The following PIGB variants were observed in gnomAD, a reference collection of about 807,000 sequenced individuals.
The protein encoded by PIGB is GPI alpha-1,2-mannosyltransferase 3.
Under a neutral mutation model 68.4 loss-of-function variants are expected in PIGB, and 58 were observed. The observed-to-expected ratio is 0.85, with a 90% CI of 0.69 to 1.06. The LOEUF (loss-of-function observed/expected upper bound fraction) is 1.06, where lower values mean the gene tolerates loss of function less well. Ranked by LOEUF, PIGB falls within the 50% of genes least tolerant of loss-of-function variation. PIGB has a pLI of 0.00. For synonymous variants in PIGB, 219 were observed against 220.5 expected (o/e 0.99, Z 0.06); for missense variants, 634 against 655.8 (o/e 0.97, Z 0.36).
At chr15:55,321,709 A>G (rs1466794462) in intron 3 of PIGB, among the ~76,000 whole-genome samples, 2 of 132,232 alleles carry the variant, frequency 1.5e-5, no homozygotes, top group Admixed American at 8.4e-5. Context: ...CTGGAGTGCA[A>G]TGGCGTGATC....
rs374683561 is a variant in PIGB, at chr15:55,351,110, CTTTTTTTT to C, written c.1337+207_1337+214del. 9.0e-3 allele frequency among the ~76,000 whole-genome samples: 1,222 copies of C among 135,702 alleles called. 14 individuals carry two copies. Among genetic ancestry groups the C allele is most frequent in the African/African-American group, 0.027 (1,000 of 36,368 alleles). The allele number at this position is 135,702 out of a possible 152,430, so 89.0% of individuals were successfully genotyped here. ...AAAATGTTTTAAATAAACTTTTTTT[CTTTTTTTT>C]TTTTTTTTGAGACGGAGTCTGTTCT... is the stretch of plus-strand genomic sequence containing the variant. On this transcript the variant is annotated intron_variant, in intron 10 of 11. Coordinates refer to ENST00000164305, the MANE Select transcript of PIGB (RefSeq NM_004855.5).
chr15:55,320,919 A>T (rs1301110713), intron 2 of PIGB, among the ~76,000 whole-genome samples: 1 of 152,224 alleles, frequency 6.6e-6, no homozygotes, highest in Admixed American at 6.5e-5. Flanking sequence ...AATATACTTG[A>T]CACAGCCGTT....
intron 5 of PIGB, among the ~76,000 whole-genome samples, chr15:55,332,860 TTA>T (rs1338156062): frequency 9.1e-4 from 138 of 152,356 alleles, no homozygotes; most frequent in African/African-American, 3.2e-3. Flanking sequence ...AGAAGTCCTG[TTA>T]ATAAAAATCT....
intron 3 of PIGB, among the ~76,000 whole-genome samples, chr15:55,325,685 G>A (rs189311533): frequency 2.0e-5 from 3 of 152,178 alleles, no homozygotes; most frequent in Non-Finnish European, 2.9e-5. Context: ...GGGAGGCTGA[G>A]GCGGGCAGAT....
At chr15:55,329,004 C>A (rs1288836744) in intron 4 of PIGB, among the ~76,000 whole-genome samples, 1 of 152,084 alleles carries the variant, frequency 6.6e-6, no homozygotes, top group Non-Finnish European at 1.5e-5. Flanking sequence ...TTAGGGAAAA[C>A]CTTTACTTTC....
Position 55,339,279 on chromosome 15 carries a change from G to C in PIGB, c.807G>C (p.Leu269Phe). The C allele has an allele frequency of 6.4e-7, 1 of 1,552,248 alleles. No homozygotes were observed. The highest frequency in any genetic ancestry group is 1.2e-5 in the South Asian group (1 of 83,548). ...TTTTGTTTTTCAGCTTTGTTACTTTGAGTTTGTCTCTGATGATTGATCGTA... is the reference window on the plus strand; with the variant it reads ...TTTTGTTTTTCAGCTTTGTTACTTTCAGTTTGTCTCTGATGATTGATCGTA... ...HHFLPVGFVTLSLSLMIDRIF... is the reference protein window; with the variant it reads ...HHFLPVGFVTFSLSLMIDRIF... The change falls in exon 7 of 12, where the codon TTG becomes TTC. Residue 269 changes from leucine (L) to phenylalanine (F), a missense_variant. Physicochemically the swap from Leu to Phe is conservative, Grantham distance 22. Coordinates refer to ENST00000164305, the MANE Select transcript of PIGB (RefSeq NM_004855.5).
intron 10 of PIGB, chr15:55,354,469 C>T (rs1477766071): frequency 4.5e-6 from 1 of 221,838 alleles, no homozygotes; most frequent in African/African-American, 2.3e-5. Context: ...CTTACCTGGT[C>T]CTGAGGACCA....
intron 9 of PIGB, chr15:55,349,941 G>T (rs1332476541): frequency 6.6e-6 from 1 of 152,140 alleles, no homozygotes; most frequent in African/African-American, 2.4e-5. Flanking sequence ...GGCTGTTGCT[G>T]AAGAAAAGGA....
In PIGB at chr15:55,321,265, G is replaced by A. The variant is rs754353544; in HGVS notation, c.300-8G>A. 3.2e-6 allele frequency: 5 copies of A among 1,580,078 alleles called. No individual in the cohort carries two copies. The African/African-American group carries it at 5.5e-5, about 17-fold the overall frequency. ...TATTATTGGACATTTACTCCTTAAT[G>A]TTACTAATTATGGTTATTTGACTTG... On this transcript the variant is annotated splice_region_variant and splice_polypyrimidine_tract_variant and intron_variant, in intron 2 of 11. Transcript: ENST00000164305.
intron 7 of PIGB, among the ~76,000 whole-genome samples, 159 bp downstream of exon 7, chr15:55,339,477 A>G (rs2055613836): frequency 6.6e-6 from 1 of 152,248 alleles, no homozygotes; most frequent in Non-Finnish European, 1.5e-5. Context: ...TGCTTTCTAC[A>G]TAAAAGAATT....
At chr15:55,322,066 C>T (rs999693835) in intron 3 of PIGB, among the ~76,000 whole-genome samples, 11 of 151,774 alleles carry the variant, frequency 7.2e-5, no homozygotes, top group Non-Finnish European at 1.2e-4. Flanking sequence ...CTCAGACTTT[C>T]TGGAGGCTGA....
intron 6 of PIGB, among the ~76,000 whole-genome samples, 192 bp from the exon 7 acceptor site, chr15:55,339,075 C>T (rs886258680): frequency 2.0e-5 from 3 of 152,230 alleles, no homozygotes; most frequent in Non-Finnish European, 4.4e-5. Context: ...CAATATTAAT[C>T]GATTATATAA....
At chr15:55,352,863 T>A (rs2055954612) in intron 10 of PIGB, among the ~76,000 whole-genome samples, 1 of 152,208 alleles carries the variant, frequency 6.6e-6, no homozygotes, top group African/African-American at 2.4e-5. Flanking sequence ...TTAATTACAG[T>A]GGTTATCATT....
chr15:55,342,450 G>A (rs2055691678), intron 9 of PIGB, among the ~76,000 whole-genome samples: 2 of 152,166 alleles, frequency 1.3e-5, no homozygotes, highest in Admixed American at 1.3e-4. Context: ...GAGTGCAGTG[G>A]CACGATCTTG....
rs1020782476 is a variant in PIGB at position 55,320,259 on chromosome 15, T to C, written c.164-16T>C. The C allele has an allele frequency of 6.2e-7, 1 of 1,609,374 alleles. No homozygotes were observed. Among genetic ancestry groups the C allele is most frequent in the Non-Finnish European group, 8.5e-7 (1 of 1,177,616 alleles). ...GACTTTTGTGCCACTATTACCTGTT[T>C]TGTTCTGTTTTTCAGATCTTCTTGG... is the stretch of plus-strand genomic sequence containing the variant. On this transcript the variant is annotated splice_polypyrimidine_tract_variant and intron_variant, in intron 1 of 11. Coordinates refer to ENST00000164305, the MANE Select transcript of PIGB (RefSeq NM_004855.5).
chr15:55,324,728 G>T, intron 3 of PIGB: 1 of 648,258 alleles, frequency 1.5e-6, no homozygotes, highest in Non-Finnish European at 1.9e-6. Flanking sequence ...TCACACTGTT[G>T]GCTCATATTA....
chr15:55,350,454 G>C (rs1195867235), intron 9 of PIGB: 1 of 481,570 alleles, frequency 2.1e-6, no homozygotes, highest in Non-Finnish European at 3.6e-6. Context: ...TTCAAATCTG[G>C]ACCTGTTGGA....
At chr15:55,326,553 T>C (rs1011639558) in intron 3 of PIGB, among the ~76,000 whole-genome samples, 7 of 152,184 alleles carry the variant, frequency 4.6e-5, no homozygotes, top group African/African-American at 1.7e-4. Context: ...TTGTTGCTAA[T>C]GAATATAAAT....
intron 7 of PIGB, among the ~76,000 whole-genome samples, chr15:55,339,569 T>C (rs1480532589): frequency 6.6e-6 from 1 of 152,246 alleles, no homozygotes; most frequent in East Asian, 1.9e-4. Context: ...CTGTTGCTGT[T>C]TCTGTCATTA....
Sources: allele counts gnomAD v4.1 joint callset (sites outside exome capture counted in the v4.1 genomes callset), GRCh38; gene constraint gnomAD v4.1.1; transcripts MANE v1.5; gene names NCBI Gene and HGNC (gene_info 2026-07-23, HGNC 2026-07-21).